Variants in CCNE2 observed in about 807,000 individuals in gnomAD.
CCNE2 encodes G1/S-specific cyclin-E2.
Under a neutral mutation model 56.8 loss-of-function variants are expected in CCNE2, and 18 were observed. The observed-to-expected ratio is 0.32, with a 90% CI of 0.22 to 0.47. The LOEUF (loss-of-function observed/expected upper bound fraction) is 0.47, where lower values mean the gene tolerates loss of function less well. CCNE2 is among the 20% of genes least tolerant of loss of function. The pLI is 1.00. For missense variants in CCNE2, 371 were observed against 467.1 expected, an observed-to-expected ratio of 0.79 and a Z score of 1.90; for synonymous variants, 139 against 149.2, an observed-to-expected ratio of 0.93 and a Z score of 0.50.
intron 5 of CCNE2, chr8:94,892,110 T>G (rs1279109598): frequency 1.6e-6 from 1 of 621,132 alleles, no homozygotes; most frequent in Non-Finnish European, 3.0e-6. Flanking sequence ...AGGAGTAAAT[T>G]CAGCACTAAA....
chr8:94,881,555 G>T lies in CCNE2; in HGVS notation c.*77C>A. 6.8e-7 allele frequency: 1 copy of T among 1,460,492 alleles called. No homozygotes were observed. The highest frequency in any genetic ancestry group is 9.4e-7 in the Non-Finnish European group (1 of 1,064,580). 90.5% of individuals were successfully genotyped at this position (1,460,492 alleles called of 1,614,324 possible). Reference sequence around the variant, plus strand: ...GCAATCAATCACAGCACTACTTTCTGTAAAACTTTAGTAGTTCAGTGATAC... The same window carrying T: ...GCAATCAATCACAGCACTACTTTCTTTAAAACTTTAGTAGTTCAGTGATAC... On this transcript the variant is annotated 3_prime_UTR_variant, in exon 12 of 12. Transcript: ENST00000308108.
intron 6 of CCNE2, among the ~76,000 whole-genome samples, chr8:94,889,198 T>C (rs911015018): frequency 2.0e-5 from 3 of 152,178 alleles, no homozygotes; most frequent in Non-Finnish European, 2.9e-5. Context: ...TTTGCATCTA[T>C]TGAGATCTTA....
In CCNE2 at chr8:94,880,319, T is replaced by C. The variant is rs558744963; in HGVS notation, c.*1313A>G. The C allele has an allele frequency of 6.7e-5, 45 of 668,702 alleles. 1 individual carries two copies. The East Asian group carries it at 1.2e-3, about 18-fold the overall frequency. 41.4% of individuals were successfully genotyped at this position (668,702 alleles called of 1,614,324 possible). Reference sequence around the variant, plus strand: ...AAAGGTTAAGTTTATATAATACATATGTACACAATTAGTGGTGTTTTCTTT... The same window carrying C: ...AAAGGTTAAGTTTATATAATACATACGTACACAATTAGTGGTGTTTTCTTT... On this transcript the variant is annotated 3_prime_UTR_variant, in exon 12 of 12. Coordinates refer to ENST00000308108, the MANE Select transcript of CCNE2 (RefSeq NM_057749.3).
chr8:94,894,137 AAAGG>A lies in CCNE2; in HGVS notation c.15-22_15-19del. On this transcript the variant is annotated intron_variant, in intron 2 of 11. Transcript: ENST00000308108. ...AACGGCTACTGTAGTGAATTTTTAAAAAGGAAGTGTAATTAGTAAGTTAAAGGCA... is the reference window on the plus strand; with the variant it reads ...AACGGCTACTGTAGTGAATTTTTAAAAAGTGTAATTAGTAAGTTAAAGGCA... 6.2e-7 allele frequency: 1 copy of A among 1,613,538 alleles called. No homozygotes were observed. Among genetic ancestry groups the A allele is most frequent in the Non-Finnish European group, 8.5e-7 (1 of 1,179,602 alleles).
chr8:94,894,947 G>A (rs1317053012), intron 1 of CCNE2, among the ~76,000 whole-genome samples: 6 of 152,150 alleles, frequency 3.9e-5, no homozygotes, highest in Admixed American at 6.5e-5. Context: ...CCCCAAATGA[G>A]GGTGGGATAG....
upstream of CCNE2, chr8:94,895,285 G>T (rs572693472): frequency 6.1e-6 from 6 of 983,134 alleles, no homozygotes; most frequent in East Asian, 6.8e-4. Context: ...CCTCCGGACA[G>T]CGCGCTCCCC....
intron 6 of CCNE2, 42 bp from the exon 7 acceptor site, chr8:94,888,115 TC>T: frequency 7.1e-7 from 1 of 1,400,002 alleles, no homozygotes; most frequent in Non-Finnish European, 9.7e-7. Context: ...CTTCTGAATT[TC>T]TCCAAATTAG....
In CCNE2 at chr8:94,881,427, C is replaced by G; in HGVS notation, c.*205G>C. 1 of 549,802 alleles carries G rather than the reference C, an allele frequency of 1.8e-6. No individual in the cohort carries two copies. Among genetic ancestry groups the G allele is most frequent in the Non-Finnish European group, 3.2e-6 (1 of 316,168 alleles). The allele number at this position is 549,802 out of a possible 1,614,324, so 34.1% of individuals were successfully genotyped here. A position where few individuals can be genotyped will look rare whatever the true frequency, so the allele number is the denominator to read the frequency against. On this transcript the variant is annotated 3_prime_UTR_variant, in exon 12 of 12. Coordinates refer to ENST00000308108, the MANE Select transcript of CCNE2 (RefSeq NM_057749.3). ...AAGACATCTTTGTAAACAAGTCCTG[C>G]TGTTTCTTTAACAGCTAACATAGGA...
chr8:94,881,897 TTA>T (rs1207773171), intron 11 of CCNE2, 152 bp from the exon 12 acceptor site: 1 of 961,000 alleles, frequency 1.0e-6, no homozygotes, highest in Admixed American at 3.0e-5. Context: ...TTCTGTAACG[TTA>T]TATATTTTTT....
In CCNE2 at chr8:94,891,755, G is replaced by GT. The variant is rs1179182015; in HGVS notation, c.317+1062dup. 6.4e-6 allele frequency: 7 copies of GT among 1,086,574 alleles called. No homozygotes were observed. The African/African-American group carries it at 1.1e-4, about 17-fold the overall frequency. The allele number at this position is 1,086,574 out of a possible 1,614,324, so 67.3% of individuals were successfully genotyped here. A position where few individuals can be genotyped will look rare whatever the true frequency, so the allele number is the denominator to read the frequency against. ...TTCTGACATTACAATGGTGGAGTTG[G>GT]TAGGTGTACCCAGGCCAAGCAGTGG... On this transcript the variant is annotated intron_variant, in intron 5 of 11. Coordinates refer to ENST00000308108, the MANE Select transcript of CCNE2 (RefSeq NM_057749.3).
At position 94,885,543 on chromosome 8, in the gene CCNE2, T is replaced by C. The variant is rs202056359; in HGVS notation, c.616A>G (p.Lys206Glu). Residue 206 changes from lysine to glutamate, a missense_variant, in exon 8 of 12, where the codon AAA becomes GAA. Lys to Glu is a moderately conservative substitution (Grantham distance 56). Transcript: ENST00000308108. ...GTGACGTAAGCAAACTCTTGGAGTT[T>C]AGGAGCATAGATTTCCTTTAAATTG... is the stretch of plus-strand genomic sequence containing the variant. ...ASKLEEIYAP[K>E]LQEFAYVTDG... 6.6e-5 allele frequency: 105 copies of C among 1,595,538 alleles called. No individual in the cohort carries two copies. Among genetic ancestry groups the C allele is most frequent in the Non-Finnish European group, 1.5e-5 (17 of 1,167,590 alleles).
rs34604138 is a variant in CCNE2 at position 94,884,341 on chromosome 8, C to CT, written c.831+725dup. 2.4e-3 allele frequency among the ~76,000 whole-genome samples: 349 copies of CT among 145,288 alleles called. 2 individuals are homozygous for CT. The highest frequency in any genetic ancestry group is 7.6e-3 in the Admixed American group (112 of 14,660). On this transcript the variant is annotated intron_variant, in intron 9 of 11. Transcript: ENST00000308108. The stretch of plus-strand genomic sequence containing the variant: ...TAAGCAAGAAAGAATGGGATCTCCT[C>CT]TTTTTTTTTTTTTTTAATTTTTTGA...
chr8:94,894,900 G>C (rs1288613339), intron 1 of CCNE2, among the ~76,000 whole-genome samples: 1 of 152,178 alleles, frequency 6.6e-6, no homozygotes, highest in Admixed American at 6.5e-5. Flanking sequence ...CCCATGGAGG[G>C]GACCCGGCCT....
chr8:94,886,655 A>G (rs1332837144), intron 7 of CCNE2, among the ~76,000 whole-genome samples: 2 of 152,214 alleles, frequency 1.3e-5, no homozygotes, highest in African/African-American at 4.8e-5. Flanking sequence ...GAGCTGCAAT[A>G]GTGCCACTGC....
chr8:94,893,247 GC>G (rs1180906619), intron 4 of CCNE2, among the ~76,000 whole-genome samples: 3 of 151,414 alleles, frequency 2.0e-5, no homozygotes, highest in African/African-American at 7.3e-5. Context: ...AAATGCATCT[GC>G]AGTCTAAAAT....
In CCNE2 at chr8:94,891,268, C is replaced by T. The variant is rs113616310; in HGVS notation, c.318-718G>A. On this transcript the variant is annotated intron_variant, in intron 5 of 11. Coordinates refer to ENST00000308108, the MANE Select transcript of CCNE2 (RefSeq NM_057749.3). Reference sequence around the variant, plus strand: ...CTGGCTATTCACTTTACCTGGAAAACCCCACAAAATCATGCAAATCAAGAG... The same window carrying T: ...CTGGCTATTCACTTTACCTGGAAAATCCCACAAAATCATGCAAATCAAGAG... 4.1e-3 allele frequency: 839 copies of T among 203,994 alleles called. 5 individuals carry two copies. Among genetic ancestry groups the T allele is most frequent in the African/African-American group, 0.018 (761 of 43,108 alleles). 12.6% of individuals were successfully genotyped at this position (203,994 alleles called of 1,614,324 possible).
At position 94,894,197 on chromosome 8, in the gene CCNE2, G is replaced by C. The variant is rs761871096; in HGVS notation, c.14+11C>G. 1 of 1,614,110 alleles carries C rather than the reference G, an allele frequency of 6.2e-7. No homozygotes were observed. The highest frequency in any genetic ancestry group is 8.5e-7 in the Non-Finnish European group (1 of 1,179,934). ...TAATTTGAAACATGTCTCTAAGACA[G>C]ATAATGTTACCTTCGTCTTGACATT... On this transcript the variant is annotated intron_variant, in intron 2 of 11. Transcript: ENST00000308108.
At position 94,885,464 on chromosome 8, in the gene CCNE2, T is replaced by G. The variant is rs753829268; in HGVS notation, c.695A>C (p.Lys232Thr). The G allele has an allele frequency of 5.2e-6, 8 of 1,547,274 alleles. No homozygotes were observed. The highest frequency in any genetic ancestry group is 8.8e-7 in the Non-Finnish European group (1 of 1,130,118). The stretch of plus-strand genomic sequence containing the variant: ...CTAGGAAAACATAATTATTATTACC[T>G]TTAATATAATGAGTTCCATCCTTAA... The part of the protein sequence containing the change: ...DILRMELIIL[K>T]ALKWELCPVT... Residue 232 changes from lysine (K) to threonine (T), a missense_variant and splice_region_variant, in exon 8 of 12, where the codon AAG (lysine) becomes ACG (threonine). Transcript: ENST00000308108.
intron 6 of CCNE2, 71 bp downstream of exon 6, chr8:94,890,344 G>C (rs767629578): frequency 5.6e-5 from 71 of 1,264,734 alleles, no homozygotes; most frequent in Non-Finnish European, 6.7e-5. Context: ...AGAGTACATA[G>C]AAAGCACATT....
Sources: allele counts gnomAD v4.1 joint callset (sites outside exome capture counted in the v4.1 genomes callset), GRCh38; gene constraint gnomAD v4.1.1; transcripts MANE v1.5; gene names NCBI Gene and HGNC (gene_info 2026-07-23, HGNC 2026-07-21).